The following RBM44 variants were observed in gnomAD, a reference collection of about 807,000 sequenced individuals.
RBM44 encodes the protein RNA binding motif protein 44, also known as RNA-binding protein 44.
A neutral mutation model predicts 105.1 loss-of-function variants in RBM44; 66 were observed. That is an observed-to-expected ratio of 0.63 (90% confidence interval 0.52 to 0.77). The LOEUF is 0.77. Ranked by LOEUF, RBM44 falls within the 30% of genes least tolerant of loss-of-function variation. RBM44 has a pLI of 0.00. For synonymous variants in RBM44, 365 were observed against 417.6 expected (o/e 0.87, Z 1.54); for missense variants, 1,122 against 1,207.8 (o/e 0.93, Z 1.05).
chr2:237,813,475 G>GT (rs2061679589), intron 1 of RBM44, 117 bp from the exon 2 acceptor site: 1 of 571,062 alleles, frequency 1.8e-6, no homozygotes, highest in East Asian at 3.0e-5. Context: ...TAATGCATTG[G>GT]TTTTTTAAAA....
At chr2:237,821,906 C>T (rs1050398087) in intron 8 of RBM44, 79 bp downstream of exon 8, 9 of 904,186 alleles carry the variant, frequency 1.0e-5, no homozygotes, top group Admixed American at 8.6e-5. Context: ...TTTCAGAAAC[C>T]CTGACATCCT....
chr2:237,800,653 C>T (rs886915735), intron 1 of RBM44, among the ~76,000 whole-genome samples: 50 of 151,098 alleles, frequency 3.3e-4, no homozygotes, highest in African/African-American at 1.1e-3. Context: ...GAAAATGTTG[C>T]TTTAATTTCT....
At chr2:237,829,088 C>T in intron 12 of RBM44, 129 bp from the exon 13 acceptor site, 1 of 647,440 alleles carries the variant, frequency 1.5e-6, no homozygotes, top group Non-Finnish European at 2.6e-6. Flanking sequence ...AAGGTAAGTA[C>T]AGCAACCTTT....
Position 237,820,257 on chromosome 2 carries a change from G to A in RBM44, c.1819G>A (p.Glu607Lys). 1 of 1,599,102 alleles carries A rather than the reference G, an allele frequency of 6.3e-7. No homozygotes were observed. The highest frequency in any genetic ancestry group is 8.5e-7 in the Non-Finnish European group (1 of 1,170,740). ...GATAATGCAGAGAGCCATAAAAGCA[G>A]AGCTGCACCTTTTAAATGTTCACTA... ...QKIMQRAIKA[E>K]LHLLNVHYQM... Residue 607 changes from glutamate (E) to lysine (K), a missense_variant, in exon 5 of 16, where the codon GAG becomes AAG. Coordinates refer to ENST00000316997, the MANE Select transcript of RBM44 (RefSeq NM_001080504.3).
chr2:237,825,229 T>C (rs1314975322), intron 10 of RBM44, among the ~76,000 whole-genome samples: 2 of 152,078 alleles, frequency 1.3e-5, no homozygotes, highest in Admixed American at 1.3e-4. Context: ...TGTTGTTGTT[T>C]GTTTGTTTTT....
intron 15 of RBM44, among the ~76,000 whole-genome samples, chr2:237,836,137 T>C (rs2061957140): frequency 6.6e-6 from 1 of 152,170 alleles, no homozygotes; most frequent in Non-Finnish European, 1.5e-5. Flanking sequence ...GCACGCTCTC[T>C]TGTTAGGGGC....
chr2:237,801,703 C>G (rs570105557), intron 1 of RBM44, among the ~76,000 whole-genome samples: 2 of 152,288 alleles, frequency 1.3e-5, no homozygotes, highest in African/African-American at 2.4e-5. Flanking sequence ...TAACTTGGAG[C>G]CATTCCATAT....
rs143956081 is a variant in RBM44 at position 237,840,795 on chromosome 2, C to T, written c.*23-1044C>T. ...CATTTGTCTCAAAAGAATACATTCA[C>T]GTGGCCAACAAGCATATGAAAAAAT... On this transcript the variant is annotated intron_variant, in intron 15 of 15. Transcript: ENST00000316997. Among the ~76,000 whole-genome samples the T allele has an allele frequency of 5.3e-5, 8 of 152,242 alleles. 1 individual carries two copies. Among genetic ancestry groups the T allele is most frequent in the African/African-American group, 1.7e-4 (7 of 41,538 alleles).
chr2:237,818,449 G>C lies in RBM44; in HGVS notation c.1530G>C (p.Trp510Cys), dbSNP rs529730601. The C allele has an allele frequency of 2.5e-6, 4 of 1,612,918 alleles. No homozygotes were observed. In the African/African-American group the frequency reaches 5.3e-5, roughly 22 times the overall value. ...TGAATAAAAAACGACCTGATGAATG[G>C]CAAAATGAGAAACAAAAAAGTGTGG... ...TMMNKKRPDE[W>C]QNEKQKSVAC... The change falls in exon 3 of 16, where the codon TGG becomes TGC. Residue 510 changes from tryptophan to cysteine, a missense_variant. Transcript: ENST00000316997. This position sits in a 1 kb window ranked among gnomAD's most constrained non-coding sequence, Gnocchi z 4.6.
Position 237,820,339 on chromosome 2 carries a change from A to G in RBM44, c.1901A>G (p.Glu634Gly), listed in dbSNP as rs1480256183. 2.5e-6 allele frequency: 4 copies of G among 1,581,932 alleles called. No homozygotes were observed. Among genetic ancestry groups the G allele is most frequent in the Non-Finnish European group, 3.4e-6 (4 of 1,160,872 alleles). Reference sequence around the variant, plus strand: ...TACAAACTTGTCATGGAAAATAGGGAAGGATTAAATATGTGTTTATTAATT... The same window carrying G: ...TACAAACTTGTCATGGAAAATAGGGGAGGATTAAATATGTGTTTATTAATT... ...DIYKLVMENR[E>G]GLNMNLSSNS... The change falls in exon 5 of 16, where the codon GAA becomes GGA. Residue 634 changes from glutamate (E) to glycine (G), a missense_variant. This residue lies in a region of RBM44 where 918 missense variants were observed against 955.3 expected (regional missense o/e 0.96). Coordinates refer to ENST00000316997, the MANE Select transcript of RBM44 (RefSeq NM_001080504.3).
intron 2 of RBM44, among the ~76,000 whole-genome samples, chr2:237,816,104 C>A (rs998685889): frequency 6.6e-6 from 1 of 152,250 alleles, no homozygotes; most frequent in Non-Finnish European, 1.5e-5. Flanking sequence ...TTTCACACGG[C>A]TAATTGTACT....
At chr2:237,824,177 A>G in intron 9 of RBM44, 114 bp from the exon 10 acceptor site, 1 of 842,472 alleles carries the variant, frequency 1.2e-6, no homozygotes, top group Non-Finnish European at 1.7e-6. Context: ...CTTTAGATTT[A>G]TACATAAAAC....
At chr2:237,807,094 T>C (rs185919126) in intron 1 of RBM44, among the ~76,000 whole-genome samples, 71 of 152,248 alleles carry the variant, frequency 4.7e-4, no homozygotes, top group Non-Finnish European at 5.9e-4. Context: ...ATAATAAGGA[T>C]AATGACAGGC....
At chr2:237,830,471 A>G (rs2061892519) in intron 13 of RBM44, among the ~76,000 whole-genome samples, 1 of 152,082 alleles carries the variant, frequency 6.6e-6, no homozygotes, top group South Asian at 2.1e-4. Context: ...AGTATAATTT[A>G]TTAATTTTTT....
intron 1 of RBM44, among the ~76,000 whole-genome samples, chr2:237,809,864 C>G (rs2117366): frequency 6.6e-6 from 1 of 152,006 alleles, no homozygotes; most frequent in Admixed American, 6.6e-5. Context: ...CCCAGGAGTT[C>G]GGGGCTGCAG....
intron 1 of RBM44, among the ~76,000 whole-genome samples, chr2:237,810,680 T>C (rs1158368221): frequency 3.9e-5 from 6 of 152,090 alleles, no homozygotes; most frequent in Non-Finnish European, 7.4e-5. Flanking sequence ...CTGAAGAAGA[T>C]AGGGCTTAGG....
At chr2:237,812,999 T>G (rs2061674552) in intron 1 of RBM44, among the ~76,000 whole-genome samples, 1 of 152,192 alleles carries the variant, frequency 6.6e-6, no homozygotes, top group East Asian at 1.9e-4. Context: ...ACAGTTTTGT[T>G]GAGTTATATT....
At chr2:237,811,678 CT>C (rs1166528534) in intron 1 of RBM44, among the ~76,000 whole-genome samples, 2 of 149,192 alleles carry the variant, frequency 1.3e-5, no homozygotes, top group East Asian at 3.9e-4. Context: ...GCTTCTGAGT[CT>C]TTAAAAAAAA....
In RBM44 at chr2:237,813,573, A is replaced by T. The variant is rs770796063; in HGVS notation, c.-18-19A>T. 3 of 1,323,756 alleles carry T rather than the reference A, an allele frequency of 2.3e-6. No homozygotes were observed. In the South Asian group the frequency reaches 3.6e-5, roughly 16 times the overall value. 82.0% of individuals were successfully genotyped at this position (1,323,756 alleles called of 1,614,324 possible). ...GCTTTTTAAGTATAATAATAGTTCA[A>T]TATTTATACCTTTTCTAGATTATAT... On this transcript the variant is annotated intron_variant, in intron 1 of 15. Transcript: ENST00000316997.
Sources: allele counts gnomAD v4.1 joint callset (sites outside exome capture counted in the v4.1 genomes callset), GRCh38; gene constraint gnomAD v4.1.1; regional missense constraint gnomAD v4.1.1; non-coding constraint Gnocchi (gnomAD v3.1); transcripts MANE v1.5; gene names NCBI Gene and HGNC (gene_info 2026-07-23, HGNC 2026-07-21).